The following METTL15 variants were observed in gnomAD, a reference collection of about 807,000 sequenced individuals.
The protein encoded by METTL15 is methyltransferase 15, mitochondrial 12S rRNA N4-cytidine, also known as 12S rRNA N(4)-cytidine methyltransferase METTL15.
METTL15 carries 34 observed loss-of-function variants against 38.3 expected under a neutral mutation model. That is an observed-to-expected ratio of 0.89 (90% confidence interval 0.68 to 1.18). The LOEUF (loss-of-function observed/expected upper bound fraction) is 1.18, where lower values mean the gene tolerates loss of function less well. METTL15 is among the 50% of genes most tolerant of loss of function. The probability of loss-of-function intolerance (pLI) is 0.00; values close to 1 mark genes in which losing one functional copy is unlikely to be tolerated. For synonymous variants in METTL15, 162 were observed against 170.9 expected, an observed-to-expected ratio of 0.95 and a Z score of 0.41; for missense variants, 438 against 498.4, an observed-to-expected ratio of 0.88 and a Z score of 1.15.
chr11:28,163,086 C>CA (rs1850528132), intron 3 of METTL15, among the ~76,000 whole-genome samples: 1 of 151,774 alleles, frequency 6.6e-6, no homozygotes, highest in Non-Finnish European at 1.5e-5. Context: ...TTGAAAATAC[C>CA]AAATGCAATG....
chr11:28,214,726 A>T (rs1197952601), intron 4 of METTL15, among the ~76,000 whole-genome samples: 1 of 152,194 alleles, frequency 6.6e-6, no homozygotes, highest in African/African-American at 2.4e-5. Context: ...ATTTCTCAAT[A>T]TTTTTTGAAG....
At chr11:28,436,922 T>TG (rs1850987262) in intron 6 of METTL15, among the ~76,000 whole-genome samples, 1 of 152,144 alleles carries the variant, frequency 6.6e-6, no homozygotes, top group Non-Finnish European at 1.5e-5. Context: ...TCAATCTGGG[T>TG]GGGCACCATC....
chr11:28,225,028 C>T (rs1187275397), intron 4 of METTL15, among the ~76,000 whole-genome samples: 3 of 151,532 alleles, frequency 2.0e-5, no homozygotes, highest in African/African-American at 7.3e-5. Context: ...TATTTAAACA[C>T]TTTTTTAAGT....
chr11:28,463,171 C>T (rs562722745), intron 6 of METTL15, among the ~76,000 whole-genome samples: 1 of 152,186 alleles, frequency 6.6e-6, no homozygotes, highest in South Asian at 2.1e-4. Context: ...CATCTACCTA[C>T]AAATAAGTCT....
chr11:28,453,598 C>G lies in METTL15; in HGVS notation c.*424+29234C>G, dbSNP rs550800462. 2.9e-3 allele frequency among the ~76,000 whole-genome samples: 445 copies of G among 152,308 alleles called. 3 individuals are homozygous for G. The highest frequency in any genetic ancestry group is 0.01 in the African/African-American group (424 of 41,570). On this transcript the variant is annotated intron_variant and NMD_transcript_variant, in intron 6 of 7. Transcript: ENST00000532947. ...AGTAGAGCATGTGTTTCTACTGGGC[C>G]TTTCTACCATGTATTTCTGTGAGGA...
chr11:28,332,733 C>T lies in METTL15; in HGVS notation c.*1892C>T, dbSNP rs1849849828. ...CTGTGGGAGGCCAAGCCAGGCAAAT[C>T]GCTTGAGGCTGAGGAGTTCAAGACC... On this transcript the variant is annotated 3_prime_UTR_variant, in exon 7 of 7. Coordinates refer to ENST00000407364, the MANE Select transcript of METTL15 (RefSeq NM_001113528.2). 1.3e-5 allele frequency: 2 copies of T among 151,680 alleles called. No homozygotes were observed. The highest frequency in any genetic ancestry group is 2.1e-4 in the South Asian group (1 of 4,796). The allele number at this position is 151,680 out of a possible 1,614,324, so 9.4% of individuals were successfully genotyped here.
chr11:28,489,893 G>A (rs1260719000), intron 6 of METTL15, among the ~76,000 whole-genome samples: 1 of 152,124 alleles, frequency 6.6e-6, no homozygotes, highest in Non-Finnish European at 1.5e-5. Flanking sequence ...CCTGGACTTA[G>A]ACCATGAGAA....
chr11:28,379,211 T>G (rs1240815692), intron 5 of METTL15, among the ~76,000 whole-genome samples: 2 of 152,094 alleles, frequency 1.3e-5, no homozygotes, highest in African/African-American at 4.8e-5. Flanking sequence ...AAATTATGTT[T>G]AATTCTGCTT....
intron 4 of METTL15, among the ~76,000 whole-genome samples, chr11:28,212,886 T>C (rs1852699544): frequency 6.6e-6 from 1 of 152,206 alleles, no homozygotes; most frequent in African/African-American, 2.4e-5. Context: ...ATGATTTCAG[T>C]GGCTCTTATT....
chr11:28,266,907 C>G (rs535183964), intron 4 of METTL15, among the ~76,000 whole-genome samples: 17 of 152,224 alleles, frequency 1.1e-4, no homozygotes, highest in African/African-American at 4.1e-4. Context: ...TGCCTATAAT[C>G]CCAGCACTTT....
At chr11:28,251,293 C>T (rs1216228337) in intron 4 of METTL15, among the ~76,000 whole-genome samples, 1 of 151,966 alleles carries the variant, frequency 6.6e-6, no homozygotes, top group East Asian at 1.9e-4. Flanking sequence ...AAGAAACATG[C>T]TATTTTGACT....
intron 5 of METTL15, among the ~76,000 whole-genome samples, chr11:28,385,689 A>C (rs1850432412): frequency 6.6e-6 from 1 of 152,128 alleles, no homozygotes; most frequent in African/African-American, 2.4e-5. Flanking sequence ...AAAGAATGTT[A>C]CTGGTAGTTT....
chr11:28,424,250 A>T (rs1564927357), intron 5 of METTL15: 1 of 152,230 alleles, frequency 6.6e-6, no homozygotes, highest in Non-Finnish European at 1.5e-5. Flanking sequence ...AATGTCTAGC[A>T]TGTTGCTTGT....
rs1849860371 is a variant in METTL15, at chr11:28,333,061, A to G, written c.*2220A>G. On this transcript the variant is annotated 3_prime_UTR_variant, in exon 7 of 7. Coordinates refer to ENST00000407364, the MANE Select transcript of METTL15 (RefSeq NM_001113528.2). ...CTCAGAAGATAGGAAAAAAGCATGG[A>G]ATAGATTCTCCCTCAGAGTTCCAGT... is the stretch of plus-strand genomic sequence containing the variant. The G allele has an allele frequency of 1.3e-5, 2 of 150,958 alleles. No individual in the cohort carries two copies. The highest frequency in any genetic ancestry group is 4.9e-5 in the African/African-American group (2 of 40,742). 9.4% of individuals were successfully genotyped at this position (150,958 alleles called of 1,614,324 possible).
At chr11:28,253,376 A>T (rs146721739) in intron 4 of METTL15, among the ~76,000 whole-genome samples, 1 of 152,162 alleles carries the variant, frequency 6.6e-6, no homozygotes, top group Non-Finnish European at 1.5e-5. Context: ...ATGTTTTAAT[A>T]CAAGTGTGCA....
chr11:28,528,770 TTTCAGATCA>T (rs1393627856), downstream of METTL15, among the ~76,000 whole-genome samples: 1 of 152,226 alleles, frequency 6.6e-6, no homozygotes, highest in Non-Finnish European at 1.5e-5. Flanking sequence ...GAAAGCTAGA[TTTCAGATCA>T]TTCTATGTTG....
intron 4 of METTL15, among the ~76,000 whole-genome samples, chr11:28,218,853 G>T (rs1170577094): frequency 1.3e-5 from 2 of 152,120 alleles, no homozygotes; most frequent in South Asian, 2.1e-4. Context: ...TTATATGCTG[G>T]AATACGTTTA....
chr11:28,515,369 A>G (rs1413691116), intron 6 of METTL15, among the ~76,000 whole-genome samples: 2 of 152,254 alleles, frequency 1.3e-5, no homozygotes, highest in Admixed American at 6.5e-5. Context: ...GCCTAATACA[A>G]TAGAATTTTC....
chr11:28,383,133 G>A (rs571688664), intron 5 of METTL15, among the ~76,000 whole-genome samples: 2 of 151,948 alleles, frequency 1.3e-5, no homozygotes, highest in African/African-American at 2.4e-5. Context: ...TATCTCTCAG[G>A]TAGGCCCCAG....
Sources: allele counts gnomAD v4.1 joint callset (sites outside exome capture counted in the v4.1 genomes callset), GRCh38; gene constraint gnomAD v4.1.1; transcripts MANE v1.5; gene names NCBI Gene and HGNC (gene_info 2026-07-23, HGNC 2026-07-21).